KLHL10: variants seen among roughly 807,000 people sequenced by gnomAD.
The protein encoded by KLHL10 is kelch-like protein 10.
Under a neutral mutation model 46.6 loss-of-function variants are expected in KLHL10, and 11 were observed. That is an observed-to-expected ratio of 0.24 (90% CI 0.15 to 0.39). KLHL10 has a LOEUF of 0.39. Ranked by LOEUF, KLHL10 falls within the 10% of genes least tolerant of loss-of-function variation. The probability of loss-of-function intolerance (pLI) is 1.00; values close to 1 mark genes in which losing one functional copy is unlikely to be tolerated. For synonymous variants in KLHL10, 254 were observed against 279.1 expected, an observed-to-expected ratio of 0.91 and a Z score of 0.90; for missense variants, 475 against 789.8, an observed-to-expected ratio of 0.60 and a Z score of 4.78.
upstream of KLHL10, among the ~76,000 whole-genome samples, chr17:41,836,880 T>C (rs557753340): frequency 7.2e-5 from 11 of 152,168 alleles, no homozygotes; most frequent in South Asian, 2.1e-3. Context: ...GAAGGAGCCA[T>C]AAACTGAATT....
chr17:41,848,244 C>T lies in KLHL10; in HGVS notation c.1764C>T (p.Phe588=). The change falls in exon 5 of 5, where the codon TTC becomes TTT. Residue 588 remains phenylalanine (F), a synonymous_variant. Transcript: ENST00000293303. ...AATATGCAGCTAGACGGGACAACTT[C>T]CCAGGATTAGCACTGCGAGATGAAG... ...VEEYAARRDN[F]PGLALRDEVK... 1 of 1,613,916 alleles carries T rather than the reference C, an allele frequency of 6.2e-7. No individual in the cohort carries two copies.
chr17:41,844,754 G>A (rs1177437793), intron 2 of KLHL10, among the ~76,000 whole-genome samples: 3 of 151,914 alleles, frequency 2.0e-5, no homozygotes, highest in Non-Finnish European at 4.4e-5. Flanking sequence ...TTGCCATGTC[G>A]GTTAGCCTGG....
intron 3 of KLHL10, among the ~76,000 whole-genome samples, chr17:41,846,801 T>A (rs896685911): frequency 1.3e-5 from 2 of 151,700 alleles, no homozygotes; most frequent in Non-Finnish European, 2.9e-5. Context: ...GGCAACAGAG[T>A]GAGACTCCAT....
At chr17:41,846,186 C>T (rs1478386464) in intron 3 of KLHL10, among the ~76,000 whole-genome samples, 2 of 149,970 alleles carry the variant, frequency 1.3e-5, no homozygotes, top group Non-Finnish European at 3.0e-5. Context: ...CACTCCAGCC[C>T]GGGCGACAGT....
intron 2 of KLHL10, 73 bp from the exon 3 acceptor site, chr17:41,845,053 A>C: frequency 6.3e-7 from 1 of 1,582,058 alleles, no homozygotes; most frequent in Non-Finnish European, 8.7e-7. Flanking sequence ...CAGATCGAAA[A>C]ATGGGAGTTA....
chr17:41,836,046 G>A (rs782783441), upstream of KLHL10: 30 of 1,415,026 alleles, frequency 2.1e-5, no homozygotes, highest in Admixed American at 3.1e-5. Flanking sequence ...CGTGTGAGGC[G>A]GGGCCGGGGT....
At position 41,845,272 on chromosome 17, in the gene KLHL10, T is replaced by G; in HGVS notation, c.831T>G (p.Ser277=). 2.5e-6 allele frequency: 4 copies of G among 1,614,250 alleles called. No individual in the cohort carries two copies. The highest frequency in any genetic ancestry group is 3.4e-6 in the Non-Finnish European group (4 of 1,180,044). The change falls in exon 3 of 5, where the codon TCT becomes TCG. Residue 277 remains serine (S), a synonymous_variant. Coordinates refer to ENST00000293303, the MANE Select transcript of KLHL10 (RefSeq NM_152467.5). ...TCAACATGAATGGACCCTCTAATTC[T>G]GATTTCACCAACCCACTCACCAGAC... The part of the protein sequence containing the change: ...YDLNMNGPSN[S]DFTNPLTRPR...
In KLHL10 at chr17:41,837,944, G is replaced by C; in HGVS notation, c.12G>C (p.Glu4Asp). 6.2e-7 allele frequency: 1 copy of C among 1,613,878 alleles called. No homozygotes were observed. ...TGTCCCAGGGTGCCATGGAGATGGAGAGCGCGGCGGCCTCCACACGTTTCC... is the reference window on the plus strand; with the variant it reads ...TGTCCCAGGGTGCCATGGAGATGGACAGCGCGGCGGCCTCCACACGTTTCC... Reference protein sequence around the residue: MEMESAAASTRFHQ... With the variant: MEMDSAAASTRFHQ... The change falls in exon 1 of 5, where the codon GAG (glutamate) becomes GAC (aspartate). Residue 4 changes from glutamate to aspartate, a missense_variant. By Grantham distance (45) the Glu-to-Asp change is conservative. Coordinates refer to ENST00000293303, the MANE Select transcript of KLHL10 (RefSeq NM_152467.5).
Position 41,848,320 on chromosome 17 carries a change from A to T in KLHL10, c.*13A>T. Reference sequence around the variant, plus strand: ...CCTACCTGTATGAGCCTCTTCATTTAGCTAATAAAAAGTCTAAGCAATAAG... The same window carrying T: ...CCTACCTGTATGAGCCTCTTCATTTTGCTAATAAAAAGTCTAAGCAATAAG... On this transcript the variant is annotated 3_prime_UTR_variant, in exon 5 of 5. Transcript: ENST00000293303. 6.2e-7 allele frequency: 1 copy of T among 1,604,642 alleles called. No homozygotes were observed. Among genetic ancestry groups the T allele is most frequent in the Non-Finnish European group, 8.5e-7 (1 of 1,179,316 alleles).
chr17:41,847,494 G>T, intron 4 of KLHL10, 84 bp downstream of exon 4: 6 of 1,493,092 alleles, frequency 4.0e-6, no homozygotes, highest in Non-Finnish European at 5.6e-6. Flanking sequence ...GCTACTATTG[G>T]TAAGTATTTG....
intron 1 of KLHL10, 63 bp downstream of exon 1, chr17:41,838,189 C>G: frequency 7.4e-7 from 1 of 1,358,214 alleles, no homozygotes; most frequent in South Asian, 1.2e-5. Context: ...ACACTTTGAT[C>G]CATTTTCTGT....
rs1356530048 is a variant in KLHL10 at position 41,838,136 on chromosome 17, G to A, written c.194+10G>A. ...GCAGTTCCTACTTTAGGTATAACAG[G>A]GTTGCCAAATTCAGCCAAAGGGGTA... is the stretch of plus-strand genomic sequence containing the variant. On this transcript the variant is annotated intron_variant, in intron 1 of 4. Transcript: ENST00000293303. The A allele has an allele frequency of 6.2e-7, 1 of 1,612,712 alleles. No homozygotes were observed. The highest frequency in any genetic ancestry group is 8.5e-7 in the Non-Finnish European group (1 of 1,178,890).
intron 2 of KLHL10, among the ~76,000 whole-genome samples, chr17:41,844,055 G>A (rs539455864): frequency 2.7e-5 from 4 of 150,338 alleles, no homozygotes; most frequent in South Asian, 2.1e-4. Context: ...GCTAGCGCCC[G>A]GCTGACAACT....
chr17:41,836,395 G>A (rs564100320), upstream of KLHL10: 42 of 1,224,240 alleles, frequency 3.4e-5, no homozygotes, highest in Admixed American at 1.4e-3. Context: ...CTGGAGGAGG[G>A]TTCTATTTAT....
chr17:41,838,676 CTT>C (rs2048195451), intron 1 of KLHL10, among the ~76,000 whole-genome samples: 5 of 84,046 alleles, frequency 5.9e-5, no homozygotes, highest in African/African-American at 2.2e-4. Flanking sequence ...TCCTTTTGCT[CTT>C]GAGAGATCTG....
intron 1 of KLHL10, among the ~76,000 whole-genome samples, chr17:41,839,014 T>C (rs2048199846): frequency 6.6e-6 from 1 of 151,036 alleles, no homozygotes; most frequent in Admixed American, 6.6e-5. Context: ...TTTTTTAAGA[T>C]GGAGTCTCGC....
chr17:41,835,912 G>A (rs782133156), upstream of KLHL10: 4 of 1,606,190 alleles, frequency 2.5e-6, no homozygotes, highest in Non-Finnish European at 2.5e-6. Flanking sequence ...TCCTGCACCC[G>A]CCCAGGCTGC....
chr17:41,841,950 A>G lies in KLHL10; in HGVS notation c.322A>G (p.Asn108Asp). 1 of 1,614,210 alleles carries G rather than the reference A, an allele frequency of 6.2e-7. No homozygotes were observed. The highest frequency in any genetic ancestry group is 8.5e-7 in the Non-Finnish European group (1 of 1,180,046). The change falls in exon 2 of 5, where the codon AAT becomes GAT. Residue 108 changes from asparagine to aspartate, a missense_variant. Coordinates refer to ENST00000293303, the MANE Select transcript of KLHL10 (RefSeq NM_152467.5). ...YTRTVPITPD[N>D]VEKLLAAADQ... ...CCGGACCGTGCCTATCACACCGGAC[A>G]ATGTGGAGAAACTGCTTGCTGCTGC... is the stretch of plus-strand genomic sequence containing the variant.
rs781834371 is a variant in KLHL10, at chr17:41,837,893, A to G, written c.-40A>G. ...GGGGCCCCCCACAACCCTCCCCGAC[A>G]CCCTAGGAAAGCAGCCTCTCTCCGC... On this transcript the variant is annotated 5_prime_UTR_variant, in exon 1 of 5. Coordinates refer to ENST00000293303, the MANE Select transcript of KLHL10 (RefSeq NM_152467.5). 3.7e-6 allele frequency: 6 copies of G among 1,611,778 alleles called. No individual in the cohort carries two copies. Among genetic ancestry groups the G allele is most frequent in the Non-Finnish European group, 5.1e-6 (6 of 1,179,706 alleles).
Sources: gnomAD v4.1 joint callset for allele counts (sites outside exome capture counted in the v4.1 genomes callset) on GRCh38, gnomAD v4.1.1 for gene constraint, MANE v1.5 for transcripts, NCBI Gene and HGNC (gene_info 2026-07-23, HGNC 2026-07-21) for gene names.